Variants in SEMA5A observed in about 807,000 individuals in gnomAD.
SEMA5A encodes the protein semaphorin 5A.
In SEMA5A, 55 loss-of-function variants were observed where a neutral mutation model predicts 135.5. The observed-to-expected ratio is 0.41, with a 90% CI of 0.33 to 0.51. The LOEUF (loss-of-function observed/expected upper bound fraction) is 0.51. Among genes scored for constraint, SEMA5A ranks in the 20% least tolerant of loss-of-function variants. SEMA5A has a pLI of 0.37. For synonymous variants in SEMA5A, 580 were observed against 546.5 expected (o/e 1.06, Z -0.85); for missense variants, 1,290 against 1,419.9 (o/e 0.91, Z 1.47).
At chr5:9,396,011 C>T (rs1756380607) in intron 2 of SEMA5A, among the ~76,000 whole-genome samples, 1 of 152,116 alleles carries the variant, frequency 6.6e-6, no homozygotes, top group Admixed American at 6.5e-5. Context: ...AGGATACTTC[C>T]TTGCAGGGGC....
intron 17 of SEMA5A, 23 bp downstream of exon 17, chr5:9,066,398 G>T: frequency 6.2e-7 from 1 of 1,605,828 alleles, no homozygotes; most frequent in Non-Finnish European, 8.5e-7. Flanking sequence ...AAGTGGGTCA[G>T]TCCCCACGGA....
chr5:9,066,446 G>A lies in SEMA5A; in HGVS notation c.2274C>T (p.Asp758=), dbSNP rs761664666. Residue 758 remains aspartate (D), a synonymous_variant, in exon 17 of 23, where the codon GAC becomes GAT. Coordinates refer to ENST00000382496, the MANE Select transcript of SEMA5A (RefSeq NM_003966.3). ...QRIEMRYCSS[D]GTSGCSTDGL... The stretch of plus-strand genomic sequence containing the variant: ...CATCTGTGGAGCAGCCACTGGTGCC[G>A]TCGCTAGAACAGTACCGCATTTCGA... 30 of 1,614,098 alleles carry A rather than the reference G, an allele frequency of 1.9e-5. No homozygotes were observed. Among genetic ancestry groups the A allele is most frequent in the Admixed American group, 3.3e-5 (2 of 60,012 alleles).
chr5:9,500,519 A>G (rs1379436547), intron 1 of SEMA5A, among the ~76,000 whole-genome samples: 4 of 151,854 alleles, frequency 2.6e-5, no homozygotes, highest in African/African-American at 7.3e-5. Flanking sequence ...TGATCCAGAC[A>G]TCATCCCACT....
chr5:9,380,159 C>G, intron 2 of SEMA5A, 136 bp from the exon 3 acceptor site: 2 of 565,988 alleles, frequency 3.5e-6, no homozygotes, highest in East Asian at 6.0e-5. Flanking sequence ...CTTAGAGCAG[C>G]ATATTTTTCT....
intron 1 of SEMA5A, among the ~76,000 whole-genome samples, chr5:9,470,773 G>A (rs919411366): frequency 2.0e-5 from 3 of 152,138 alleles, no homozygotes; most frequent in African/African-American, 4.8e-5. Flanking sequence ...CCCAAAGACA[G>A]ACCTCTTCAA....
chr5:9,423,024 A>G (rs1757523968), intron 2 of SEMA5A, among the ~76,000 whole-genome samples: 2 of 152,104 alleles, frequency 1.3e-5, no homozygotes, highest in South Asian at 4.2e-4. Flanking sequence ...TGCAAATTCC[A>G]CCTTTGTATT....
At chr5:9,519,448 A>G (rs1173004446) in intron 1 of SEMA5A, among the ~76,000 whole-genome samples, 1 of 152,218 alleles carries the variant, frequency 6.6e-6, no homozygotes, top group Non-Finnish European at 1.5e-5. Context: ...AAATCTTTTT[A>G]TCACCAAAAT....
chr5:9,177,658 C>G (rs553525002), intron 11 of SEMA5A, among the ~76,000 whole-genome samples: 1 of 152,342 alleles, frequency 6.6e-6, no homozygotes, highest in Non-Finnish European at 1.5e-5. Context: ...TCTTCCCAAA[C>G]TGGGGCATCC....
chr5:9,420,060 C>T (rs776347420), intron 2 of SEMA5A, among the ~76,000 whole-genome samples: 3 of 152,034 alleles, frequency 2.0e-5, no homozygotes, highest in Non-Finnish European at 4.4e-5. Context: ...GGCCTTTGTT[C>T]CCGGGCTGAA....
intron 2 of SEMA5A, among the ~76,000 whole-genome samples, chr5:9,415,533 CCATTAA>C (rs1322131718): frequency 7.2e-5 from 11 of 152,264 alleles, no homozygotes; most frequent in Admixed American, 4.6e-4. Flanking sequence ...ATTATCTTTT[CCATTAA>C]CATCAATTGC....
intron 2 of SEMA5A, among the ~76,000 whole-genome samples, chr5:9,394,862 T>C (rs77822667): frequency 6.6e-6 from 1 of 152,294 alleles, no homozygotes; most frequent in African/African-American, 2.4e-5. Context: ...ACTGAGTTTA[T>C]AAATTCAATA....
At chr5:9,500,113 T>C (rs1735509653) in intron 1 of SEMA5A, among the ~76,000 whole-genome samples, 1 of 152,198 alleles carries the variant, frequency 6.6e-6, no homozygotes, top group African/African-American at 2.4e-5. Context: ...GCTATGCAAC[T>C]TTTTGGAGAT....
At chr5:9,263,824 C>A (rs1579741828) in intron 5 of SEMA5A, among the ~76,000 whole-genome samples, 1 of 152,154 alleles carries the variant, frequency 6.6e-6, no homozygotes, top group South Asian at 2.1e-4. Flanking sequence ...GCTGAGTTTT[C>A]CCTGTGTCTC....
chr5:9,334,931 C>A (rs188251023), intron 4 of SEMA5A, among the ~76,000 whole-genome samples: 15 of 152,270 alleles, frequency 9.9e-5, no homozygotes, highest in Admixed American at 9.8e-4. Context: ...CTCAGCGGCC[C>A]ATCCGATCCT....
intron 16 of SEMA5A, among the ~76,000 whole-genome samples, chr5:9,101,730 C>G (rs1205793101): frequency 6.6e-6 from 1 of 152,042 alleles, no homozygotes; most frequent in Non-Finnish European, 1.5e-5. Context: ...GTAAGCCATA[C>G]AAATAGCCTA....
At chr5:9,276,235 A>G (rs1750254481) in intron 5 of SEMA5A, among the ~76,000 whole-genome samples, 1 of 152,230 alleles carries the variant, frequency 6.6e-6, no homozygotes, top group Non-Finnish European at 1.5e-5. Context: ...TAAAATACCT[A>G]GGAATACAAC....
chr5:9,480,853 T>C (rs958358979), intron 1 of SEMA5A, among the ~76,000 whole-genome samples: 1 of 152,220 alleles, frequency 6.6e-6, no homozygotes, highest in African/African-American at 2.4e-5. Flanking sequence ...TTTAGAGCCA[T>C]GGACACATAG....
At chr5:9,484,764 G>T (rs1198464144) in intron 1 of SEMA5A, among the ~76,000 whole-genome samples, 2 of 152,064 alleles carry the variant, frequency 1.3e-5, no homozygotes, top group Admixed American at 6.6e-5. Flanking sequence ...TAGTCCTCAG[G>T]GTGGATGGTA....
intron 1 of SEMA5A, among the ~76,000 whole-genome samples, chr5:9,524,749 C>G (rs1315997150): frequency 6.6e-6 from 1 of 152,124 alleles, no homozygotes; most frequent in Non-Finnish European, 1.5e-5. Flanking sequence ...AATTTTCAAC[C>G]ATTATTAATG....
Sources: allele counts gnomAD v4.1 joint callset (sites outside exome capture counted in the v4.1 genomes callset), GRCh38; gene constraint gnomAD v4.1.1; transcripts MANE v1.5; gene names NCBI Gene and HGNC (gene_info 2026-07-23, HGNC 2026-07-21).